The following NUP37 variants were observed in gnomAD, a reference collection of about 807,000 sequenced individuals.
The protein encoded by NUP37 is nucleoporin 37.
Under a neutral mutation model 45.4 loss-of-function variants are expected in NUP37, and 33 were observed. The observed-to-expected ratio is 0.73, with a 90% CI of 0.55 to 0.97. The LOEUF (loss-of-function observed/expected upper bound fraction) is 0.97. Among genes scored for constraint, NUP37 ranks in the 50% least tolerant of loss-of-function variants. The probability of loss-of-function intolerance (pLI) is 0.00; values close to 1 mark genes in which losing one functional copy is unlikely to be tolerated. For synonymous variants in NUP37, 127 were observed against 130.7 expected, an observed-to-expected ratio of 0.97 and a Z score of 0.19; for missense variants, 365 against 389.7, an observed-to-expected ratio of 0.94 and a Z score of 0.53.
chr12:102,115,514 T>C (rs1433099813), intron 2 of NUP37, among the ~76,000 whole-genome samples: 2 of 152,230 alleles, frequency 1.3e-5, no homozygotes. Flanking sequence ...AGCAGTTTTC[T>C]TATTGCACTG....
chr12:102,104,310 T>G (rs1297570641), intron 3 of NUP37, among the ~76,000 whole-genome samples: 1 of 152,198 alleles, frequency 6.6e-6, no homozygotes, highest in East Asian at 1.9e-4. Flanking sequence ...ATTTTTAAAT[T>G]GGATCATTTA....
At position 102,081,245 on chromosome 12, in the gene NUP37, A is replaced by T. The variant is rs542597993; in HGVS notation, c.541-3742T>A. On this transcript the variant is annotated intron_variant, in intron 6 of 9. Transcript: ENST00000552283. ...TGGCTATTATTATAGGTTAAAGTCA[A>T]ATTAAAACTCAGTTCTAACAAAAGA... Among the ~76,000 whole-genome samples the T allele has an allele frequency of 2.1e-4, 32 of 152,352 alleles. 1 individual carries two copies. Among genetic ancestry groups the T allele is most frequent in the Admixed American group, 1.4e-3 (21 of 15,304 alleles).
chr12:102,091,936 A>G (rs1008217657), intron 5 of NUP37, among the ~76,000 whole-genome samples: 6 of 152,196 alleles, frequency 3.9e-5, no homozygotes, highest in Non-Finnish European at 7.3e-5. Context: ...TCAGCAGAAC[A>G]TTAAGTATCC....
rs573394362 is a variant in NUP37 at position 102,084,286 on chromosome 12, C to G, written c.540+1480G>C. On this transcript the variant is annotated intron_variant, in intron 6 of 9. Coordinates refer to ENST00000552283, the MANE Select transcript of NUP37 (RefSeq NM_024057.4). The stretch of plus-strand genomic sequence containing the variant: ...GCCTGGCGTATGTAAGCACTACGTG[C>G]TTGTTATGATTAACGAAACTTATCT... Among the ~76,000 whole-genome samples, 393 of 152,286 alleles carry G rather than the reference C, an allele frequency of 2.6e-3. 1 individual carries two copies. The highest frequency in any genetic ancestry group is 4.3e-3 in the Non-Finnish European group (294 of 68,030).
chr12:102,113,995 A>G (rs1166580299), intron 2 of NUP37, among the ~76,000 whole-genome samples: 2 of 152,224 alleles, frequency 1.3e-5, no homozygotes, highest in Non-Finnish European at 2.9e-5. Flanking sequence ...AAGAGTTAAC[A>G]GCAAAAAGTT....
intron 6 of NUP37, among the ~76,000 whole-genome samples, chr12:102,083,537 C>T (rs572847104): frequency 6.6e-6 from 1 of 152,290 alleles, no homozygotes; most frequent in African/African-American, 2.4e-5. Flanking sequence ...CATCATTCTA[C>T]TTAATAGATT....
chr12:102,099,036 T>C, intron 5 of NUP37, 70 bp downstream of exon 5: 17 of 1,031,452 alleles, frequency 1.6e-5, no homozygotes, highest in South Asian at 1.5e-4. Flanking sequence ...CATTTTTTTT[T>C]CTCATTTTAA....
intron 5 of NUP37, among the ~76,000 whole-genome samples, chr12:102,096,028 A>G (rs1051544896): frequency 6.6e-6 from 1 of 152,140 alleles, no homozygotes; most frequent in Non-Finnish European, 1.5e-5. Flanking sequence ...CTATGTCTTC[A>G]TATGTAGTTG....
chr12:102,093,514 A>G (rs1879717799), intron 5 of NUP37, among the ~76,000 whole-genome samples: 1 of 152,098 alleles, frequency 6.6e-6, no homozygotes, highest in South Asian at 2.1e-4. Flanking sequence ...GAAATACCAT[A>G]TGGTAGTTTT....
At chr12:102,103,060 T>C (rs1880021120) in intron 3 of NUP37, among the ~76,000 whole-genome samples, 1 of 152,180 alleles carries the variant, frequency 6.6e-6, no homozygotes, top group African/African-American at 2.4e-5. Context: ...TTGCTCAAAA[T>C]TGCTTTGGCT....
rs73382887 is a variant in NUP37 at position 102,085,689 on chromosome 12, C to T, written c.540+77G>A. On this transcript the variant is annotated intron_variant, in intron 6 of 9. Coordinates refer to ENST00000552283, the MANE Select transcript of NUP37 (RefSeq NM_024057.4). ...GAGATGGGAAAAATCATTGATCTTC[C>T]TCCTCTATGTATGTGATGTCTTATA... 1,323 of 629,934 alleles carry T rather than the reference C, an allele frequency of 2.1e-3. 12 individuals are homozygous for T. Among genetic ancestry groups the T allele is most frequent in the African/African-American group, 0.02 (1,095 of 53,928 alleles). The allele number at this position is 629,934 out of a possible 1,614,324, so 39.0% of individuals were successfully genotyped here.
At position 102,076,371 on chromosome 12, in the gene NUP37, C is replaced by A. The variant is rs766944969; in HGVS notation, c.773+426G>T. On this transcript the variant is annotated intron_variant, in intron 8 of 9. Coordinates refer to ENST00000552283, the MANE Select transcript of NUP37 (RefSeq NM_024057.4). ...TACAATGGAGTATTATGAAAAAGAA[C>A]AAGGTAGACATGTATGTTAATTTAA... is the stretch of plus-strand genomic sequence containing the variant. Among the ~76,000 whole-genome samples, 27 of 152,090 alleles carry A rather than the reference C, an allele frequency of 1.8e-4. 1 individual carries two copies.
intron 6 of NUP37, among the ~76,000 whole-genome samples, chr12:102,083,780 G>A (rs544129843): frequency 4.4e-4 from 67 of 152,244 alleles, no homozygotes; most frequent in Admixed American, 2.2e-3. Context: ...CAGATAATGC[G>A]GCTTTAAAAA....
intron 2 of NUP37, among the ~76,000 whole-genome samples, chr12:102,113,932 C>A (rs543864422): frequency 6.6e-6 from 1 of 152,330 alleles, no homozygotes; most frequent in East Asian, 1.9e-4. Context: ...ACACATCTTT[C>A]TCTGCATAAT....
intron 7 of NUP37, 115 bp downstream of exon 7, chr12:102,077,207 A>G: frequency 9.3e-7 from 1 of 1,071,556 alleles, no homozygotes; most frequent in South Asian, 1.3e-5. Context: ...TATAGGAAAG[A>G]CTTGCTTTCG....
At chr12:102,111,099 C>T (rs1014269071) in intron 3 of NUP37, among the ~76,000 whole-genome samples, 1 of 152,108 alleles carries the variant, frequency 6.6e-6, no homozygotes, top group Non-Finnish European at 1.5e-5. Context: ...AGACTATGGT[C>T]TATTGATACA....
intron 5 of NUP37, among the ~76,000 whole-genome samples, chr12:102,091,399 C>CAAAAAAAA (rs1163474160): frequency 2.1e-4 from 8 of 37,800 alleles, no homozygotes; most frequent in African/African-American, 8.4e-4. Flanking sequence ...GACTCCGTCT[C>CAAAAAAAA]AAAAAAAAAA....
At chr12:102,117,940 G>A (rs1880510760) in intron 2 of NUP37, among the ~76,000 whole-genome samples, 1 of 152,180 alleles carries the variant, frequency 6.6e-6, no homozygotes, top group East Asian at 1.9e-4. Context: ...CATACTAATA[G>A]GAAAGCTGAA....
At position 102,077,419 on chromosome 12, in the gene NUP37, C is replaced by T; in HGVS notation, c.625G>A (p.Val209Met). The change falls in exon 7 of 10, where the codon GTG becomes ATG. Residue 209 changes from valine to methionine, a missense_variant. By Grantham distance (21) the Val-to-Met change is conservative. Transcript: ENST00000552283. ...QAILSLESEQVPLMSAHWCLK... is the reference protein window; with the variant it reads ...QAILSLESEQMPLMSAHWCLK... ...CACCAGTGTGCTGACATTAATGGCACTTGTTCTGATTCAAGAGATAAAATA... is the reference window on the plus strand; with the variant it reads ...CACCAGTGTGCTGACATTAATGGCATTTGTTCTGATTCAAGAGATAAAATA... 1 of 1,614,134 alleles carries T rather than the reference C, an allele frequency of 6.2e-7. No homozygotes were observed. Among genetic ancestry groups the T allele is most frequent in the Non-Finnish European group, 8.5e-7 (1 of 1,180,010 alleles).
Sources: allele counts gnomAD v4.1 joint callset (sites outside exome capture counted in the v4.1 genomes callset), GRCh38; gene constraint gnomAD v4.1.1; transcripts MANE v1.5; gene names NCBI Gene and HGNC (gene_info 2026-07-23, HGNC 2026-07-21).